Variants in CTDSPL2 observed in about 807,000 individuals in gnomAD.
CTDSPL2 encodes the protein CTD small phosphatase like 2, also known as CTD small phosphatase-like protein 2.
A neutral mutation model predicts 60.0 loss-of-function variants in CTDSPL2; 5 were observed. The observed-to-expected ratio is 0.08, with a 90% CI of 0.04 to 0.18. The LOEUF is 0.18. Among genes scored for constraint, CTDSPL2 ranks in the 10% least tolerant of loss-of-function variants. The probability of loss-of-function intolerance (pLI) is 1.00; values close to 1 mark genes in which losing one functional copy is unlikely to be tolerated. For synonymous variants in CTDSPL2, 186 were observed against 189.3 expected (o/e 0.98, Z 0.14); for missense variants, 370 against 548.8 (o/e 0.67, Z 3.26).
chr15:44,507,900 A>C (rs2081497525), intron 8 of CTDSPL2, among the ~76,000 whole-genome samples: 1 of 152,174 alleles, frequency 6.6e-6, no homozygotes. Context: ...TACGTGTATT[A>C]ACTTATTTAA....
chr15:44,460,747 A>ATAGT (rs1479315520), intron 2 of CTDSPL2, among the ~76,000 whole-genome samples: 1 of 152,040 alleles, frequency 6.6e-6, no homozygotes, highest in Non-Finnish European at 1.5e-5. Flanking sequence ...TTTCTTTGTT[A>ATAGT]ATTTTCAGTA....
intron 2 of CTDSPL2, among the ~76,000 whole-genome samples, chr15:44,478,494 A>C (rs1278690987): frequency 1.4e-5 from 2 of 147,428 alleles, no homozygotes; most frequent in Non-Finnish European, 3.0e-5. Flanking sequence ...GACTCATGAG[A>C]AGCATATTCT....
At chr15:44,474,434 G>A (rs1036474066) in intron 2 of CTDSPL2, among the ~76,000 whole-genome samples, 11 of 152,054 alleles carry the variant, frequency 7.2e-5, no homozygotes, top group Non-Finnish European at 1.3e-4. Flanking sequence ...AGGTTGCAGT[G>A]AGTGGAGATC....
chr15:44,521,719 A>G (rs1359827122), intron 12 of CTDSPL2, among the ~76,000 whole-genome samples: 1 of 151,848 alleles, frequency 6.6e-6, no homozygotes, highest in African/African-American at 2.4e-5. Context: ...CGGGCGGATC[A>G]CGAGGTCAGG....
At position 44,524,134 on chromosome 15, in the gene CTDSPL2, G is replaced by C. The variant is rs1225292359; in HGVS notation, c.1361G>C (p.Arg454Thr). 2 of 1,613,860 alleles carry C rather than the reference G, an allele frequency of 1.2e-6. No individual in the cohort carries two copies. The highest frequency in any genetic ancestry group is 1.7e-6 in the Non-Finnish European group (2 of 1,179,978). ...AATGAAGATGTTCGACCACACATCA[G>C]AGACAGATTTCGCTTGCATGATTTG... ...ELNEDVRPHI[R>T]DRFRLHDLLP... is the part of the protein sequence containing the mutation. The change falls in exon 13 of 13, where the codon AGA (arginine) becomes ACA (threonine). Residue 454 changes from arginine (R) to threonine (T), a missense_variant. By Grantham distance (71) the Arg-to-Thr change is moderately conservative (BLOSUM62 -1). Around this residue, in one of 6 missense-constraint regions of CTDSPL2, gnomAD observed 46 missense variants for 126.0 expected, o/e 0.37. Coordinates refer to ENST00000260327, the MANE Select transcript of CTDSPL2 (RefSeq NM_016396.3).
chr15:44,435,123 G>T lies in CTDSPL2; in HGVS notation c.-25+7351G>T, dbSNP rs28480372. ...AAAAATACAAAAATTAGCTGGGCGC[G>T]GTGGTGTGCACCTGTAATCCCAGCC... is the stretch of plus-strand genomic sequence containing the variant. On this transcript the variant is annotated intron_variant, in intron 1 of 12. Transcript: ENST00000260327. Among the ~76,000 whole-genome samples, 14 of 151,916 alleles carry T rather than the reference G, an allele frequency of 9.2e-5. 1 individual carries two copies. Among genetic ancestry groups the T allele is most frequent in the Admixed American group, 7.9e-4 (12 of 15,232 alleles).
At chr15:44,457,080 T>C (rs888121955) in intron 1 of CTDSPL2, among the ~76,000 whole-genome samples, 1 of 152,122 alleles carries the variant, frequency 6.6e-6, no homozygotes, top group African/African-American at 2.4e-5. Context: ...TTTCACCATG[T>C]TGCCCAGGCT....
intron 2 of CTDSPL2, chr15:44,470,400 T>C (rs1179979134): frequency 6.6e-6 from 1 of 152,096 alleles, no homozygotes; most frequent in Admixed American, 6.6e-5. Context: ...TTGCATGATA[T>C]ATGTTTTTCC....
At chr15:44,431,707 TG>T in intron 1 of CTDSPL2, among the ~76,000 whole-genome samples, 1 of 147,490 alleles carries the variant, frequency 6.8e-6, no homozygotes, top group African/African-American at 2.6e-5. Flanking sequence ...TTTGTTTGTT[TG>T]TTTGTTTGTT....
chr15:44,499,369 C>A (rs1365081588), intron 7 of CTDSPL2, among the ~76,000 whole-genome samples: 1 of 152,188 alleles, frequency 6.6e-6, no homozygotes, highest in East Asian at 1.9e-4. Flanking sequence ...CGCACCACTG[C>A]ACTCCAGCCT....
At chr15:44,428,624 C>G (rs541491175) in intron 1 of CTDSPL2, among the ~76,000 whole-genome samples, 1 of 152,342 alleles carries the variant, frequency 6.6e-6, no homozygotes, top group Non-Finnish European at 1.5e-5. Flanking sequence ...GAAACGTACT[C>G]AGTAGATGTT....
chr15:44,521,345 TG>T lies in CTDSPL2; in HGVS notation c.1276del (p.Asp426IlefsTer8). On this transcript the variant is annotated frameshift_variant, in exon 12 of 13. Transcript: ENST00000260327. LOFTEE classifies it high-confidence loss of function. ...SNGIPIESWF[M>X]DKNDNELLKL... Reference sequence around the variant, plus strand: ...GGAATCCCTATAGAAAGTTGGTTTATGGATAAAAATGACAATGAACTCCTAA... The same window carrying T: ...GGAATCCCTATAGAAAGTTGGTTTATGATAAAAATGACAATGAACTCCTAA... The T allele has an allele frequency of 6.3e-7, 1 of 1,582,202 alleles. No homozygotes were observed. The highest frequency in any genetic ancestry group is 8.7e-7 in the Non-Finnish European group (1 of 1,153,958).
chr15:44,450,538 C>T (rs943856156), intron 1 of CTDSPL2, among the ~76,000 whole-genome samples: 6 of 149,494 alleles, frequency 4.0e-5, no homozygotes, highest in South Asian at 2.1e-4. Context: ...AATAATGAAA[C>T]GTTTATCTGT....
In CTDSPL2 at chr15:44,470,964, C is replaced by T. The variant is rs140034481; in HGVS notation, c.186+11764C>T. Among the ~76,000 whole-genome samples, 38 of 152,166 alleles carry T rather than the reference C, an allele frequency of 2.5e-4. 2 individuals are homozygous for T. The East Asian group carries it at 3.5e-3, about 14-fold the overall frequency. ...AAAAAACCTTAAACACAATAAAATA[C>T]ACCTGTTCAAAGTGTTTGTTTTCTT... On this transcript the variant is annotated intron_variant, in intron 2 of 12. Coordinates refer to ENST00000260327, the MANE Select transcript of CTDSPL2 (RefSeq NM_016396.3).
chr15:44,428,859 A>G (rs569496449), intron 1 of CTDSPL2, among the ~76,000 whole-genome samples: 17 of 152,280 alleles, frequency 1.1e-4, no homozygotes, highest in African/African-American at 3.6e-4. Context: ...TAGTTTTACT[A>G]TATTTCTTTA....
chr15:44,490,492 G>C (rs1358535319), intron 4 of CTDSPL2, among the ~76,000 whole-genome samples: 6 of 152,108 alleles, frequency 3.9e-5, no homozygotes. Context: ...TTAATTAAAA[G>C]GTTCTCATGA....
intron 8 of CTDSPL2, among the ~76,000 whole-genome samples, chr15:44,509,996 T>G (rs1413049877): frequency 2.6e-5 from 4 of 151,778 alleles, no homozygotes; most frequent in Admixed American, 1.3e-4. Context: ...ACAACACCTT[T>G]TTTTTTTTGA....
intron 8 of CTDSPL2, among the ~76,000 whole-genome samples, chr15:44,501,638 G>A (rs1230029302): frequency 1.3e-5 from 2 of 152,052 alleles, no homozygotes; most frequent in Non-Finnish European, 2.9e-5. Flanking sequence ...TATGTATTCT[G>A]AGTTACACTT....
At chr15:44,448,374 GTGCTGC>G in intron 1 of CTDSPL2, 1 of 228,884 alleles carries the variant, frequency 4.4e-6, no homozygotes, top group Non-Finnish European at 8.8e-6. Context: ...CCAGACCCAT[GTGCTGC>G]ATCTTGGAAC....
Sources: allele counts gnomAD v4.1 joint callset (sites outside exome capture counted in the v4.1 genomes callset), GRCh38; gene constraint gnomAD v4.1.1; regional missense constraint gnomAD v4.1.1; transcripts MANE v1.5; gene names NCBI Gene and HGNC (gene_info 2026-07-23, HGNC 2026-07-21).